Variants in TPST1 observed in about 807,000 individuals in gnomAD.
TPST1 encodes the protein protein-tyrosine sulfotransferase 1.
TPST1 carries 20 observed loss-of-function variants against 34.8 expected under a neutral mutation model. That is an observed-to-expected ratio of 0.57 (90% CI 0.40 to 0.84). TPST1 has a LOEUF of 0.84. TPST1 is among the 40% of genes least tolerant of loss of function. TPST1 has a pLI of 0.00. For synonymous variants in TPST1, 152 were observed against 159.4 expected (o/e 0.95, Z 0.35); for missense variants, 353 against 455.5 (o/e 0.78, Z 2.05).
chr7:66,344,160 C>G (rs1028114703), intron 3 of TPST1: 4 of 152,076 alleles, frequency 2.6e-5, no homozygotes, highest in African/African-American at 9.7e-5. Context: ...CTTCAGGAGG[C>G]CCAGGTGGGA....
At chr7:66,245,956 TCTC>T (rs1790138299) in intron 2 of TPST1, among the ~76,000 whole-genome samples, 2 of 152,100 alleles carry the variant, frequency 1.3e-5, no homozygotes, top group Admixed American at 1.3e-4. Flanking sequence ...TGTGAAAACT[TCTC>T]CTTTGTGAAG....
chr7:66,274,434 G>A (rs550292882), intron 2 of TPST1, among the ~76,000 whole-genome samples: 1 of 151,520 alleles, frequency 6.6e-6, no homozygotes, highest in South Asian at 2.1e-4. Context: ...ACCTGTACCT[G>A]GCCTCAAAAT....
intron 3 of TPST1, among the ~76,000 whole-genome samples, chr7:66,293,281 C>T (rs1285326780): frequency 2.0e-5 from 3 of 151,784 alleles, no homozygotes; most frequent in South Asian, 2.1e-4. Context: ...GGCCGAGATG[C>T]GAGTGAGCCC....
intron 3 of TPST1, among the ~76,000 whole-genome samples, chr7:66,297,092 C>A (rs1218608297): frequency 1.3e-5 from 2 of 152,146 alleles, no homozygotes. Flanking sequence ...CTATTAGCCA[C>A]AATTTCAGTG....
At position 66,242,348 on chromosome 7, in the gene TPST1, T is replaced by TA. The variant is rs547574680; in HGVS notation, c.845+1084dup. ...TTATCAAAGTAATATATAACACCTG[T>TA]AAAAAATACTTTCCTTGTGTGCCCT... On this transcript the variant is annotated intron_variant, in intron 2 of 5. Coordinates refer to ENST00000304842, the MANE Select transcript of TPST1 (RefSeq NM_003596.4). Among the ~76,000 whole-genome samples, 14 of 152,274 alleles carry TA rather than the reference T, an allele frequency of 9.2e-5. No individual in the cohort carries two copies. The South Asian group carries it at 2.3e-3, about 25-fold the overall frequency.
chr7:66,318,126 C>T (rs758226014), intron 3 of TPST1, among the ~76,000 whole-genome samples: 7 of 152,156 alleles, frequency 4.6e-5, no homozygotes, highest in Admixed American at 1.3e-4. Flanking sequence ...CCATTGTACT[C>T]GAGCCTCGGC....
At chr7:66,276,270 A>G (rs1174019398) in intron 2 of TPST1, among the ~76,000 whole-genome samples, 2 of 149,890 alleles carry the variant, frequency 1.3e-5, no homozygotes, top group Non-Finnish European at 3.0e-5. Context: ...TCTTCTTCAA[A>G]GACTCCTATT....
intron 2 of TPST1, among the ~76,000 whole-genome samples, chr7:66,269,550 C>T (rs1790656555): frequency 6.6e-6 from 1 of 152,130 alleles, no homozygotes; most frequent in Non-Finnish European, 1.5e-5. Context: ...ATTCAGTTGT[C>T]ATTCATAATA....
chr7:66,199,226 G>A, the TPST1 span, among the ~76,000 whole-genome samples: 5 of 151,246 alleles, frequency 3.3e-5, no homozygotes, highest in South Asian at 2.1e-4. Context: ...CTGTCCATCC[G>A]TCCATCCAAA....
At chr7:66,286,100 T>C (rs1010129539) in intron 2 of TPST1, among the ~76,000 whole-genome samples, 3 of 152,228 alleles carry the variant, frequency 2.0e-5, no homozygotes, top group African/African-American at 7.2e-5. Context: ...TTTATCACTG[T>C]CCATCTCTCT....
intron 1 of TPST1, among the ~76,000 whole-genome samples, chr7:66,229,828 A>AT (rs745483746): frequency 2.6e-5 from 4 of 152,044 alleles, no homozygotes; most frequent in Non-Finnish European, 5.9e-5. Context: ...GTGTTTAGTG[A>AT]TTTTTTAAAA....
At chr7:66,358,234 C>T (rs540507455) in intron 5 of TPST1, among the ~76,000 whole-genome samples, 1 of 150,460 alleles carries the variant, frequency 6.6e-6, no homozygotes, top group African/African-American at 2.5e-5. Context: ...GGTGACAGAG[C>T]GAGACTTCGT....
chr7:66,240,364 A>G lies in TPST1; in HGVS notation c.-62A>G, dbSNP rs1463235682. The G allele has an allele frequency of 6.4e-7, 1 of 1,559,416 alleles. No homozygotes were observed. Among genetic ancestry groups the G allele is most frequent in the African/African-American group, 1.4e-5 (1 of 73,648 alleles). On this transcript the variant is annotated 5_prime_UTR_variant, in exon 2 of 6. The change abolishes the stop of an existing upstream ORF in the 5' untranslated region. Transcript: ENST00000304842. Reference sequence around the variant, plus strand: ...TCTGAAGTAGACTGTCCATGGCCTGAACATTTTCCGAAAATCATTTTGAGC... The same window carrying G: ...TCTGAAGTAGACTGTCCATGGCCTGGACATTTTCCGAAAATCATTTTGAGC...
At chr7:66,215,756 C>T (rs1157122856) in intron 1 of TPST1, among the ~76,000 whole-genome samples, 3 of 147,408 alleles carry the variant, frequency 2.0e-5, no homozygotes, top group East Asian at 4.1e-4. Flanking sequence ...CCATCTTGTC[C>T]TGGTTTTTCT....
intron 2 of TPST1, among the ~76,000 whole-genome samples, chr7:66,264,513 T>C (rs1245430065): frequency 1.3e-5 from 2 of 152,202 alleles, no homozygotes; most frequent in Non-Finnish European, 2.9e-5. Flanking sequence ...AGACAGGTTT[T>C]TTGGTTCCAA....
intron 2 of TPST1, among the ~76,000 whole-genome samples, chr7:66,282,348 TG>T (rs1790948430): frequency 6.6e-6 from 1 of 152,194 alleles, no homozygotes; most frequent in Admixed American, 6.5e-5. Flanking sequence ...TGATTTCTGT[TG>T]TAAGCATTGA....
chr7:66,334,719 G>A (rs1792061096), intron 3 of TPST1, among the ~76,000 whole-genome samples: 1 of 151,620 alleles, frequency 6.6e-6, no homozygotes. Flanking sequence ...AAACCTCCTG[G>A]GCCAACAAAA....
Position 66,240,753 on chromosome 7 carries a change from C to G in TPST1, c.328C>G (p.Leu110Val), listed in dbSNP as rs759181752. The change falls in exon 2 of 6, where the codon CTG becomes GTG. Residue 110 changes from leucine (L) to valine (V), a missense_variant. Leu to Val is a conservative substitution (Grantham distance 32, BLOSUM62 1). Transcript: ENST00000304842. ...ETRVIPRILA[L>V]KQMWSRSSKE... ...CAGGGTCATTCCCCGAATCCTGGCC[C>G]TGAAGCAGATGTGGTCACGGTCAAG... 2 of 1,614,094 alleles carry G rather than the reference C, an allele frequency of 1.2e-6. No homozygotes were observed. Among genetic ancestry groups the G allele is most frequent in the Admixed American group, 3.3e-5 (2 of 60,010 alleles).
intron 3 of TPST1, among the ~76,000 whole-genome samples, chr7:66,311,436 G>A (rs1791529648): frequency 1.3e-5 from 2 of 152,164 alleles, no homozygotes; most frequent in Non-Finnish European, 2.9e-5. Flanking sequence ...ACTGTGCCCA[G>A]CCATTTTGTT....
Sources: gnomAD v4.1 joint callset for allele counts (sites outside exome capture counted in the v4.1 genomes callset) on GRCh38, gnomAD v4.1.1 for gene constraint, MANE v1.5 for transcripts, NCBI Gene and HGNC (gene_info 2026-07-23, HGNC 2026-07-21) for gene names.